PLEKHG4B: variants seen among roughly 807,000 people sequenced by gnomAD.
PLEKHG4B encodes the protein pleckstrin homology domain-containing family G member 4B.
A neutral mutation model predicts 121.3 loss-of-function variants in PLEKHG4B; 111 were observed. That is an observed-to-expected ratio of 0.92 (90% CI 0.78 to 1.07). The LOEUF (loss-of-function observed/expected upper bound fraction) is 1.07. Ranked by LOEUF, PLEKHG4B falls within the 50% of genes least tolerant of loss-of-function variation. PLEKHG4B has a pLI of 0.00. For missense variants in PLEKHG4B, 1,831 were observed against 1,757.8 expected (o/e 1.04, Z -0.74); for synonymous variants, 738 against 725.0 (o/e 1.02, Z -0.29).
intron 1 of PLEKHG4B, among the ~76,000 whole-genome samples, chr5:103,790 T>C (rs1322429835): frequency 6.6e-6 from 1 of 152,244 alleles, no homozygotes; most frequent in Non-Finnish European, 1.5e-5. Context: ...TTGCCTACTG[T>C]GTTGTAGACT....
chr5:142,970 A>G, intron 3 of PLEKHG4B, 77 bp from the exon 4 acceptor site: 1 of 1,378,994 alleles, frequency 7.3e-7, no homozygotes, highest in East Asian at 2.3e-5. Flanking sequence ...CATGGTTCAT[A>G]GCAAGCTGAG....
chr5:180,855 T>C (rs1736909619), intron 18 of PLEKHG4B, among the ~76,000 whole-genome samples: 1 of 152,212 alleles, frequency 6.6e-6, no homozygotes, highest in Non-Finnish European at 1.5e-5. Flanking sequence ...CTTTGCACAT[T>C]ACCTATTGGT....
chr5:99,011 C>A (rs1297969642), intron 1 of PLEKHG4B, among the ~76,000 whole-genome samples: 4 of 145,812 alleles, frequency 2.7e-5, no homozygotes, highest in African/African-American at 1.0e-4. Flanking sequence ...AAAAAATTAG[C>A]TGGGTGTGGT....
intron 3 of PLEKHG4B, 25 bp from the exon 4 acceptor site, chr5:143,022 G>A: frequency 6.2e-7 from 1 of 1,605,822 alleles, no homozygotes; most frequent in Non-Finnish European, 8.5e-7. Context: ...CTTCATCTTT[G>A]ACACGGCCTC....
chr5:161,666 A>C, intron 11 of PLEKHG4B, 117 bp from the exon 12 acceptor site: 2 of 1,308,472 alleles, frequency 1.5e-6, no homozygotes, highest in Admixed American at 3.8e-5. Flanking sequence ...AGCAGCAGGC[A>C]GCACTGTGGG....
chr5:103,415 A>G (rs1216057190), intron 1 of PLEKHG4B, among the ~76,000 whole-genome samples: 4 of 152,008 alleles, frequency 2.6e-5, no homozygotes, highest in Non-Finnish European at 5.9e-5. Context: ...AGGAGATTCA[A>G]CCCTGCAATG....
intron 1 of PLEKHG4B, among the ~76,000 whole-genome samples, chr5:92,765 G>T (rs1161311159): frequency 6.6e-6 from 1 of 152,100 alleles, no homozygotes; most frequent in Non-Finnish European, 1.5e-5. Flanking sequence ...CGCCAAAACT[G>T]AGAGTTGCTA....
chr5:107,568 C>T (rs1334047669), intron 1 of PLEKHG4B, among the ~76,000 whole-genome samples: 1 of 152,244 alleles, frequency 6.6e-6, no homozygotes, highest in Non-Finnish European at 1.5e-5. Context: ...GCCTCTTCTT[C>T]CGGGAAGCTG....
intron 11 of PLEKHG4B, among the ~76,000 whole-genome samples, chr5:160,172 G>A (rs1023048641): frequency 6.6e-6 from 1 of 152,248 alleles, no homozygotes; most frequent in South Asian, 2.1e-4. Flanking sequence ...TGCCGCATGT[G>A]GCGGCCTCGG....
chr5:138,345 T>C (rs6874209), intron 2 of PLEKHG4B, among the ~76,000 whole-genome samples: 40,324 of 152,184 alleles, frequency 0.26, 9,392 homozygotes, highest in African/African-American at 0.63. Context: ...GCGTGAAGTT[T>C]GAGCTTAAAT....
intron 6 of PLEKHG4B, among the ~76,000 whole-genome samples, chr5:150,586 T>A (rs1735574931): frequency 6.6e-6 from 1 of 152,078 alleles, no homozygotes; most frequent in Non-Finnish European, 1.5e-5. Context: ...AACTCAGTAA[T>A]AAGAAAACAA....
intron 2 of PLEKHG4B, among the ~76,000 whole-genome samples, chr5:138,753 C>T (rs1313841456): frequency 6.6e-6 from 1 of 152,216 alleles, no homozygotes; most frequent in African/African-American, 2.4e-5. Context: ...GAAACCCAGG[C>T]GGGGCTCTAG....
chr5:147,141 G>A (rs1735446924), intron 6 of PLEKHG4B, among the ~76,000 whole-genome samples: 2 of 152,236 alleles, frequency 1.3e-5, no homozygotes. Context: ...AGGAGTCACT[G>A]GGAGGAGAGA....
intron 1 of PLEKHG4B, among the ~76,000 whole-genome samples, chr5:94,484 C>A (rs1560889215): frequency 9.1e-6 from 1 of 110,088 alleles, no homozygotes; most frequent in Non-Finnish European, 1.9e-5. Flanking sequence ...GGTGGCGGGG[C>A]TGGAGGGGGT....
In PLEKHG4B at chr5:176,109, C is replaced by T. The variant is rs1239932174; in HGVS notation, c.4402+2011C>T. Among the ~76,000 whole-genome samples, 3 of 118,836 alleles carry T rather than the reference C, an allele frequency of 2.5e-5. 1 individual carries two copies. Among genetic ancestry groups the T allele is most frequent in the South Asian group, 3.1e-4 (1 of 3,196 alleles). The allele number at this position is 118,836 out of a possible 152,430, so 78.0% of individuals were successfully genotyped here. A position where few individuals can be genotyped will look rare whatever the true frequency, so the allele number is the denominator to read the frequency against. Reference sequence around the variant, plus strand: ...CTGTCAGACACAGGGGGCCCCATGGCGTCGCCACAGGCTCCCCCTCTGGCC... The same window carrying T: ...CTGTCAGACACAGGGGGCCCCATGGTGTCGCCACAGGCTCCCCCTCTGGCC... On this transcript the variant is annotated intron_variant, in intron 18 of 19. Coordinates refer to ENST00000637938, the MANE Select transcript of PLEKHG4B (RefSeq NM_052909.5).
intron 14 of PLEKHG4B, 56 bp from the exon 15 acceptor site, chr5:170,987 C>A: frequency 6.9e-7 from 1 of 1,447,774 alleles, no homozygotes; most frequent in East Asian, 2.3e-5. Context: ...CTGCGGGAGC[C>A]TGCTGTCTCT....
In PLEKHG4B at chr5:143,271, C is replaced by T; in HGVS notation, c.1687+15C>T. 2.5e-6 allele frequency: 4 copies of T among 1,609,546 alleles called. No individual in the cohort carries two copies. Among genetic ancestry groups the T allele is most frequent in the Non-Finnish European group, 3.4e-6 (4 of 1,179,724 alleles). Reference sequence around the variant, plus strand: ...CACCCTCCCAGGTGAGAGCACATGCCAGGCTCTCCTGTCAGGGCGGATCTG... The same window carrying T: ...CACCCTCCCAGGTGAGAGCACATGCTAGGCTCTCCTGTCAGGGCGGATCTG... On this transcript the variant is annotated intron_variant, in intron 4 of 19. Coordinates refer to ENST00000637938, the MANE Select transcript of PLEKHG4B (RefSeq NM_052909.5).
At chr5:122,672 G>A (rs964130112) in intron 2 of PLEKHG4B, among the ~76,000 whole-genome samples, 8 of 151,900 alleles carry the variant, frequency 5.3e-5, no homozygotes, top group Non-Finnish European at 1.0e-4. Context: ...CACCTGCCTC[G>A]GCCTCCCAAA....
intron 14 of PLEKHG4B, 57 bp from the exon 15 acceptor site, chr5:170,986 C>T: frequency 7.0e-7 from 1 of 1,434,282 alleles, no homozygotes; most frequent in Non-Finnish European, 9.6e-7. Context: ...GCTGCGGGAG[C>T]CTGCTGTCTC....
Sources: gnomAD v4.1 joint callset for allele counts (sites outside exome capture counted in the v4.1 genomes callset) on GRCh38, gnomAD v4.1.1 for gene constraint, MANE v1.5 for transcripts, NCBI Gene and HGNC (gene_info 2026-07-23, HGNC 2026-07-21) for gene names.